ATP2B2: variants seen among roughly 807,000 people sequenced by gnomAD.
ATP2B2 encodes the protein ATPase plasma membrane Ca2+ transporting 2.
ATP2B2 carries 15 observed loss-of-function variants against 120.0 expected under a neutral mutation model. That is an observed-to-expected ratio of 0.12 (90% CI 0.08 to 0.19). The LOEUF (loss-of-function observed/expected upper bound fraction) is 0.19. ATP2B2 is among the 10% of genes least tolerant of loss of function. The pLI, the probability that ATP2B2 is intolerant of heterozygous loss-of-function variation, is 1.00. For synonymous variants in ATP2B2, 694 were observed against 700.3 expected, an observed-to-expected ratio of 0.99 and a Z score of 0.14; for missense variants, 1,045 against 1,719.8, an observed-to-expected ratio of 0.61 and a Z score of 6.94.
intron 3 of ATP2B2, among the ~76,000 whole-genome samples, chr3:10,531,705 T>A (rs1249568767): frequency 2.6e-5 from 4 of 152,188 alleles, no homozygotes. Context: ...TGCTTTCCTC[T>A]TCTGTGAAAT....
intron 12 of ATP2B2, among the ~76,000 whole-genome samples, chr3:10,370,985 A>G (rs530278326): frequency 1.6e-4 from 25 of 152,360 alleles, no homozygotes; most frequent in African/African-American, 5.5e-4. Context: ...TTTTCTTATC[A>G]AAATGAATAA....
chr3:10,498,167 C>T (rs972386830), intron 1 of ATP2B2, among the ~76,000 whole-genome samples: 2 of 152,214 alleles, frequency 1.3e-5, no homozygotes, highest in Admixed American at 1.3e-4. Context: ...GACACAACGG[C>T]CTGATGAGGC....
intron 2 of ATP2B2, among the ~76,000 whole-genome samples, chr3:10,433,537 C>T (rs943092265): frequency 6.6e-5 from 10 of 152,144 alleles, no homozygotes; most frequent in African/African-American, 2.4e-4. Context: ...CTGGACAAGT[C>T]ACTCTCTCAG....
At chr3:10,588,503 A>G (rs2068568128) in intron 2 of ATP2B2, among the ~76,000 whole-genome samples, 1 of 152,182 alleles carries the variant, frequency 6.6e-6, no homozygotes, top group South Asian at 2.1e-4. Flanking sequence ...CCGGGCACTG[A>G]GGCCATACAC....
intron 2 of ATP2B2, among the ~76,000 whole-genome samples, chr3:10,432,256 C>T (rs958410010): frequency 9.2e-5 from 14 of 152,216 alleles, no homozygotes; most frequent in Admixed American, 8.5e-4. Flanking sequence ...AGGGCATGTC[C>T]TTCCTCCTCT....
At chr3:10,570,927 A>G (rs2068109890) in intron 2 of ATP2B2, among the ~76,000 whole-genome samples, 1 of 152,250 alleles carries the variant, frequency 6.6e-6, no homozygotes, top group South Asian at 2.1e-4. Context: ...TAATGAAGAT[A>G]AATTCTCACT....
intron 2 of ATP2B2, among the ~76,000 whole-genome samples, chr3:10,544,426 A>G (rs2067502069): frequency 6.6e-6 from 1 of 152,258 alleles, no homozygotes; most frequent in Non-Finnish European, 1.5e-5. Context: ...GGGGAAGGTC[A>G]TTAAAAATAG....
Position 10,343,740 on chromosome 3 carries a change from G to A in ATP2B2, c.2704-775C>T, listed in dbSNP as rs908753413. ...ACGTCACCAGCACCTTCTGTGCCACGAGTTGCAGGACCTCTTCTCGGCCAG... is the reference window on the plus strand; with the variant it reads ...ACGTCACCAGCACCTTCTGTGCCACAAGTTGCAGGACCTCTTCTCGGCCAG... On this transcript the variant is annotated intron_variant, in intron 18 of 22. Coordinates refer to ENST00000360273, the MANE Select transcript of ATP2B2 (RefSeq NM_001001331.4). This position sits in a 1 kb window ranked among gnomAD's most constrained non-coding sequence, Gnocchi z 4.2. Among the ~76,000 whole-genome samples, 28 of 152,020 alleles carry A rather than the reference G, an allele frequency of 1.8e-4. No individual in the cohort carries two copies. The highest frequency in any genetic ancestry group is 3.2e-4 in the Non-Finnish European group (22 of 68,004).
At chr3:10,506,437 G>T (rs1322062506), upstream of ATP2B2, among the ~76,000 whole-genome samples, 3 of 152,184 alleles carry the variant, frequency 2.0e-5, no homozygotes, top group African/African-American at 7.2e-5. Context: ...ACTTCCACGG[G>T]AACCCAGGGA....
At chr3:10,492,792 C>T (rs761896557) in intron 1 of ATP2B2, among the ~76,000 whole-genome samples, 5 of 152,112 alleles carry the variant, frequency 3.3e-5, no homozygotes, top group Non-Finnish European at 5.9e-5. Context: ...TTGCAGATAC[C>T]GGGTCAAGTG....
chr3:10,614,014 T>C (rs374091608), intron 2 of ATP2B2, among the ~76,000 whole-genome samples: 5 of 152,138 alleles, frequency 3.3e-5, no homozygotes, highest in African/African-American at 1.2e-4. Context: ...ATTCCCTCAT[T>C]CCAGCCTGAA....
intron 2 of ATP2B2, among the ~76,000 whole-genome samples, chr3:10,552,079 C>T (rs2067681630): frequency 6.6e-6 from 1 of 152,322 alleles, no homozygotes; most frequent in East Asian, 1.9e-4. Context: ...TATCCTGGGG[C>T]CCAGTTTTGG....
At position 10,499,329 on chromosome 3, in the gene ATP2B2, C is replaced by T. The variant is rs186545715; in HGVS notation, c.-320+6136G>A. Among the ~76,000 whole-genome samples, 360 of 152,330 alleles carry T rather than the reference C, an allele frequency of 2.4e-3. 2 individuals carry two copies. The highest frequency in any genetic ancestry group is 4.3e-3 in the Non-Finnish European group (295 of 68,042). The stretch of plus-strand genomic sequence containing the variant: ...CTGTACTTGGATCCTGTTTGCCTCA[C>T]GTGACAACCGGGAAGATGGGTGCTC... On this transcript the variant is annotated intron_variant, in intron 1 of 22. Coordinates refer to ENST00000360273, the MANE Select transcript of ATP2B2 (RefSeq NM_001001331.4).
At chr3:10,432,262 C>T (rs1171382351) in intron 2 of ATP2B2, among the ~76,000 whole-genome samples, 2 of 152,226 alleles carry the variant, frequency 1.3e-5, no homozygotes. Context: ...TGTCCTTCCT[C>T]CTCTAGTGCT....
At chr3:10,364,165 GT>G (rs1320043955) in intron 12 of ATP2B2, among the ~76,000 whole-genome samples, 1 of 152,158 alleles carries the variant, frequency 6.6e-6, no homozygotes, top group Admixed American at 6.6e-5. Context: ...ACTTTTATGA[GT>G]TACTGGAGCA....
At chr3:10,357,221 G>A (rs39640) in intron 14 of ATP2B2, among the ~76,000 whole-genome samples, 20,064 of 152,018 alleles carry the variant, frequency 0.13, 1,830 homozygotes, top group East Asian at 0.39. Context: ...CTTGTTGCTC[G>A]TAGATGCATG....
Position 10,654,462 on chromosome 3 carries a change from C to T in ATP2B2, c.-459-34501G>A, listed in dbSNP as rs558424331. ...AGGCTGAGCATCCGAGTGGATGAGG[C>T]GGGAAATGAACATAGACGAGCGAAG... On this transcript the variant is annotated intron_variant, in intron 1 of 21. Transcript: ENST00000646379. 3.2e-4 allele frequency among the ~76,000 whole-genome samples: 49 copies of T among 152,062 alleles called. No individual in the cohort carries two copies. In the South Asian group the frequency reaches 7.9e-3, roughly 25 times the overall value.
intron 2 of ATP2B2, among the ~76,000 whole-genome samples, chr3:10,570,872 C>G (rs981487508): frequency 9.2e-5 from 14 of 152,208 alleles, no homozygotes; most frequent in South Asian, 2.1e-4. Flanking sequence ...TGCCATGCCC[C>G]GAGAGGCCCA....
In ATP2B2 at chr3:10,526,590, C is replaced by T. The variant is rs923136339; in HGVS notation, c.-320+7449G>A. ...CTGGCTCAACCTCTTGGGGGGATGC[C>T]AGATTCCCCTGTGTGGCACCCCCAG... On this transcript the variant is annotated intron_variant, in intron 3 of 21. Transcript: ENST00000646379. Among the ~76,000 whole-genome samples the T allele has an allele frequency of 8.5e-5, 13 of 152,142 alleles. 1 individual carries two copies. Among genetic ancestry groups the T allele is most frequent in the Non-Finnish European group, 2.9e-5 (2 of 68,032 alleles).
Sources: allele counts gnomAD v4.1 joint callset (sites outside exome capture counted in the v4.1 genomes callset), GRCh38; gene constraint gnomAD v4.1.1; non-coding constraint Gnocchi (gnomAD v3.1); transcripts MANE v1.5; gene names NCBI Gene and HGNC (gene_info 2026-07-23, HGNC 2026-07-21).